TNS4: variants seen among roughly 807,000 people sequenced by gnomAD.
TNS4 encodes tensin-4.
Under a neutral mutation model 70.4 loss-of-function variants are expected in TNS4, and 46 were observed. That is an observed-to-expected ratio of 0.65 (90% CI 0.52 to 0.84). The LOEUF (loss-of-function observed/expected upper bound fraction) is 0.84. Ranked by LOEUF, TNS4 falls within the 40% of genes least tolerant of loss-of-function variation. TNS4 has a pLI of 0.00. For synonymous variants in TNS4, 390 were observed against 366.6 expected (o/e 1.06, Z -0.73); for missense variants, 863 against 907.0 (o/e 0.95, Z 0.62).
chr17:40,485,038 A>G lies in TNS4; in HGVS notation c.1289-31T>C, dbSNP rs112992726. 2.3e-5 allele frequency: 36 copies of G among 1,595,728 alleles called. No homozygotes were observed. In the African/African-American group the frequency reaches 3.2e-4, roughly 14 times the overall value. On this transcript the variant is annotated intron_variant, in intron 4 of 12. Transcript: ENST00000254051. ...GACAGACAGAGAAGGGGGACCCTGT[A>G]GGCTGGACAGACGGGAGCTGAGGGA... is the stretch of plus-strand genomic sequence containing the variant.
At chr17:40,483,483 G>A (rs1290662194) in intron 6 of TNS4, among the ~76,000 whole-genome samples, 2 of 152,182 alleles carry the variant, frequency 1.3e-5, no homozygotes, top group Non-Finnish European at 2.9e-5. Context: ...TTACTGGCGT[G>A]AGCCACTGTG....
At chr17:40,478,484 C>T (rs773328922) in intron 11 of TNS4, 96 bp downstream of exon 11, 2 of 1,562,664 alleles carry the variant, frequency 1.3e-6, no homozygotes, top group African/African-American at 1.4e-5. Flanking sequence ...GGTTCACAGG[C>T]TCCCTCTGGG....
intron 1 of TNS4, among the ~76,000 whole-genome samples, chr17:40,501,150 G>A (rs1597704388): frequency 6.6e-6 from 1 of 152,328 alleles, no homozygotes; most frequent in East Asian, 1.9e-4. Context: ...AAATGGAGAA[G>A]CTGAAGACAA....
At chr17:40,477,939 G>C (rs2035870265) in intron 12 of TNS4, 1 of 610,476 alleles carries the variant, frequency 1.6e-6, no homozygotes, top group African/African-American at 1.8e-5. Context: ...TCAAGCTCTG[G>C]GTTTCCTTTG....
At chr17:40,478,806 C>T (rs909492894) in intron 10 of TNS4, among the ~76,000 whole-genome samples, 158 bp from the exon 11 acceptor site, 2 of 152,186 alleles carry the variant, frequency 1.3e-5, no homozygotes, top group African/African-American at 2.4e-5. Context: ...CACTGGGGGG[C>T]CCTGGCGCCC....
At chr17:40,498,066 A>G (rs1207156423) in intron 1 of TNS4, among the ~76,000 whole-genome samples, 1 of 152,130 alleles carries the variant, frequency 6.6e-6, no homozygotes, top group Non-Finnish European at 1.5e-5. Flanking sequence ...TTACACTCCC[A>G]TTGCCTGCTC....
In TNS4 at chr17:40,482,409, G is replaced by A. The variant is rs1186419349; in HGVS notation, c.1509C>T (p.Asp503=). The A allele has an allele frequency of 3.1e-6, 5 of 1,613,840 alleles. No homozygotes were observed. In the African/African-American group the frequency reaches 4.0e-5, roughly 13 times the overall value. The change falls in exon 7 of 13, where the codon GAC becomes GAT. Residue 503 remains aspartate (D), a synonymous_variant. Coordinates refer to ENST00000254051, the MANE Select transcript of TNS4 (RefSeq NM_032865.6). ...GGAAGTGTCGGATGAGGTCATTGCT[G>A]TCCTCACCTGGACAGAGAAGAAAGA... ...PASAQSRPGE[D]SNDLIRHFLI...
chr17:40,501,464 AT>A (rs2036215678), intron 1 of TNS4, 69 bp downstream of exon 1: 1 of 150,932 alleles, frequency 6.6e-6, no homozygotes, highest in African/African-American at 2.4e-5. Flanking sequence ...AAAAAAAAAA[AT>A]GTTTAAATGA....
In TNS4 at chr17:40,476,241, TG is replaced by T. The variant is rs2035845598; in HGVS notation, c.*1346del. On this transcript the variant is annotated 3_prime_UTR_variant, in exon 13 of 13. Coordinates refer to ENST00000254051, the MANE Select transcript of TNS4 (RefSeq NM_032865.6). The stretch of plus-strand genomic sequence containing the variant: ...TTCTGGAGGCTGGGTGGGGGTGGGG[TG>T]GGGGTGGGTGTGGGATAGAGCCCAG... The T allele has an allele frequency of 3.7e-4, 2 of 5,448 alleles. No homozygotes were observed. The highest frequency in any genetic ancestry group is 7.1e-4 in the African/African-American group (1 of 1,408). 0.3% of individuals were successfully genotyped at this position (5,448 alleles called of 1,614,324 possible). A position where few individuals can be genotyped will look rare whatever the true frequency, so the allele number is the denominator to read the frequency against.
intron 1 of TNS4, among the ~76,000 whole-genome samples, chr17:40,499,062 A>G (rs1041603733): frequency 3.9e-5 from 6 of 152,184 alleles, no homozygotes; most frequent in Admixed American, 2.6e-4. Context: ...AAGAAAAAGT[A>G]AAAACTAAAA....
At chr17:40,497,458 G>T (rs1220218895) in intron 1 of TNS4, among the ~76,000 whole-genome samples, 1 of 152,078 alleles carries the variant, frequency 6.6e-6, no homozygotes, top group Non-Finnish European at 1.5e-5. Flanking sequence ...ATAAAAATTA[G>T]CTGGCATGAT....
rs1014732058 is a variant in TNS4 at position 40,477,288 on chromosome 17, G to C, written c.*300C>G. 3.7e-5 allele frequency: 12 copies of C among 322,370 alleles called. No homozygotes were observed. Among genetic ancestry groups the C allele is most frequent in the Middle Eastern group, 1.8e-3 (2 of 1,138 alleles). The allele number at this position is 322,370 out of a possible 1,614,324, so 20.0% of individuals were successfully genotyped here. ...GGTTATTTTCATGCAGGGGTCTTCA[G>C]AGGTGTGCATGCTTCAGAATCATGG... On this transcript the variant is annotated 3_prime_UTR_variant, in exon 13 of 13. Coordinates refer to ENST00000254051, the MANE Select transcript of TNS4 (RefSeq NM_032865.6).
intron 2 of TNS4, among the ~76,000 whole-genome samples, chr17:40,493,758 T>C (rs1011552904): frequency 3.3e-5 from 5 of 152,248 alleles, no homozygotes; most frequent in East Asian, 1.9e-4. Flanking sequence ...ACCCATGCCA[T>C]CAGCCCTAAG....
At chr17:40,482,289 C>G (rs759993290) in intron 7 of TNS4, 35 bp downstream of exon 7, 15 of 1,614,012 alleles carry the variant, frequency 9.3e-6, no homozygotes, top group African/African-American at 1.3e-5. Flanking sequence ...GCTGGCCCCC[C>G]ATCCCGGGGG....
chr17:40,483,437 G>T (rs965745454), intron 6 of TNS4, among the ~76,000 whole-genome samples: 3 of 152,188 alleles, frequency 2.0e-5, no homozygotes, highest in Non-Finnish European at 4.4e-5. Flanking sequence ...CTGGGCTCAA[G>T]TGATCCTCCT....
intron 1 of TNS4, among the ~76,000 whole-genome samples, chr17:40,498,209 GGGA>G (rs1227128812): frequency 4.6e-5 from 7 of 152,136 alleles, no homozygotes; most frequent in African/African-American, 1.7e-4. Context: ...AGACTAGCCT[GGGA>G]GAAGAGAAAG....
Position 40,488,882 on chromosome 17 carries a change from A to G in TNS4, c.527T>C (p.Phe176Ser), listed in dbSNP as rs2036029422. The G allele has an allele frequency of 6.2e-7, 1 of 1,612,478 alleles. No homozygotes were observed. Among genetic ancestry groups the G allele is most frequent in the African/African-American group, 1.3e-5 (1 of 74,546 alleles). Residue 176 changes from phenylalanine to serine, a missense_variant, in exon 3 of 13, where the codon TTC (phenylalanine) becomes TCC (serine). Coordinates refer to ENST00000254051, the MANE Select transcript of TNS4 (RefSeq NM_032865.6). Reference protein sequence around the residue: ...HCSSPSVTPPFGSLRSGGLLL... With the variant: ...HCSSPSVTPPSGSLRSGGLLL... The stretch of plus-strand genomic sequence containing the variant: ...GAGGCCACCACTGCGAAGGGAGCCG[A>G]AGGGCGGGGTGACAGAGGGGCTGGA...
rs796121018 is a variant in TNS4 at position 40,501,078 on chromosome 17, C to T, written c.-96+456G>A. Among the ~76,000 whole-genome samples the T allele has an allele frequency of 5.9e-5, 9 of 152,348 alleles. 1 individual carries two copies. Among genetic ancestry groups the T allele is most frequent in the Middle Eastern group, 3.4e-3 (1 of 294 alleles). On this transcript the variant is annotated intron_variant, in intron 1 of 12. Coordinates refer to ENST00000254051, the MANE Select transcript of TNS4 (RefSeq NM_032865.6). Reference sequence around the variant, plus strand: ...AACTCCGCGGTCTGTGATCCTGAGACCATCTCTGTCTCATCCACATCCTCC... The same window carrying T: ...AACTCCGCGGTCTGTGATCCTGAGATCATCTCTGTCTCATCCACATCCTCC...
chr17:40,485,342 C>G (rs919396906), intron 4 of TNS4, among the ~76,000 whole-genome samples: 2 of 152,238 alleles, frequency 1.3e-5, no homozygotes, highest in African/African-American at 4.8e-5. Flanking sequence ...AAGAGATAAA[C>G]AAGGAATTCT....
Sources: allele counts gnomAD v4.1 joint callset (sites outside exome capture counted in the v4.1 genomes callset), GRCh38; gene constraint gnomAD v4.1.1; transcripts MANE v1.5; gene names NCBI Gene and HGNC (gene_info 2026-07-23, HGNC 2026-07-21).